Variants in CFAP299 observed in about 807,000 individuals in gnomAD.
The protein encoded by CFAP299 is cilia- and flagella-associated protein 299.
In CFAP299, 21 loss-of-function variants were observed where a neutral mutation model predicts 27.0. That is an observed-to-expected ratio of 0.78 (90% CI 0.55 to 1.12). The LOEUF (loss-of-function observed/expected upper bound fraction) is 1.12. Ranked by LOEUF, CFAP299 falls within the 50% of genes most tolerant of loss-of-function variation. The probability of loss-of-function intolerance (pLI) is 0.00; values close to 1 mark genes in which losing one functional copy is unlikely to be tolerated. For missense variants in CFAP299, 310 were observed against 276.6 expected (o/e 1.12, Z -0.86); for synonymous variants, 104 against 98.1 (o/e 1.06, Z -0.36).
intron 2 of CFAP299, among the ~76,000 whole-genome samples, chr4:80,564,023 G>T (rs999817230): frequency 1.3e-5 from 2 of 151,968 alleles, no homozygotes; most frequent in African/African-American, 2.4e-5. Context: ...TAAGTAATGA[G>T]ATCAGAGCTG....
At chr4:80,568,642 A>G (rs1306455758) in intron 2 of CFAP299, among the ~76,000 whole-genome samples, 2 of 152,072 alleles carry the variant, frequency 1.3e-5, no homozygotes, top group Non-Finnish European at 2.9e-5. Flanking sequence ...TTGAGTCTTT[A>G]CTGCAGACTA....
chr4:80,528,491 G>A (rs1243461491), intron 2 of CFAP299, among the ~76,000 whole-genome samples: 1 of 152,064 alleles, frequency 6.6e-6, no homozygotes, highest in East Asian at 1.9e-4. Context: ...CCAGCTGCCA[G>A]GATGATATTG....
the CFAP299 span, among the ~76,000 whole-genome samples, chr4:80,329,989 C>T: frequency 6.6e-6 from 1 of 151,986 alleles, no homozygotes; most frequent in African/African-American, 2.4e-5. Flanking sequence ...CAAGTCAGTG[C>T]CTCATTATTT....
At chr4:80,680,697 A>G (rs530673064) in intron 3 of CFAP299, among the ~76,000 whole-genome samples, 12 of 152,298 alleles carry the variant, frequency 7.9e-5, no homozygotes, top group Admixed American at 2.0e-4. Flanking sequence ...AAAGTTTGAG[A>G]AGAAAGAATT....
chr4:80,386,686 G>A, intron 2 of CFAP299: 1 of 1,577,830 alleles, frequency 6.3e-7, no homozygotes, highest in Admixed American at 1.7e-5. Context: ...CACGGCGGCT[G>A]AAGGACCTGC....
chr4:80,962,053 C>T (rs1015651743), intron 5 of CFAP299, among the ~76,000 whole-genome samples: 2 of 151,906 alleles, frequency 1.3e-5, no homozygotes, highest in Admixed American at 6.6e-5. Flanking sequence ...ATTTCTATTG[C>T]TACTGGGGAT....
intron 2 of CFAP299, chr4:80,388,531 G>T: frequency 6.9e-7 from 1 of 1,450,050 alleles, no homozygotes; most frequent in Non-Finnish European, 9.6e-7. Context: ...GCAGCGAGTT[G>T]AATTGCTTCT....
At chr4:80,727,866 T>C (rs1348757133) in intron 3 of CFAP299, among the ~76,000 whole-genome samples, 2 of 151,848 alleles carry the variant, frequency 1.3e-5, no homozygotes, top group Non-Finnish European at 2.9e-5. Context: ...TATTTGGTAA[T>C]ATATATTAGG....
intron 3 of CFAP299, among the ~76,000 whole-genome samples, chr4:80,814,610 C>T (rs1247176579): frequency 6.6e-6 from 1 of 151,736 alleles, no homozygotes; most frequent in Non-Finnish European, 1.5e-5. Context: ...CTAATTTGTA[C>T]TCTGAGTATG....
chr4:80,619,971 G>C (rs1394997853), intron 3 of CFAP299, among the ~76,000 whole-genome samples: 1 of 151,938 alleles, frequency 6.6e-6, no homozygotes, highest in African/African-American at 2.4e-5. Flanking sequence ...TTATATTAAT[G>C]AAAAATACCA....
At chr4:80,929,179 G>A (rs1464329373) in intron 4 of CFAP299, among the ~76,000 whole-genome samples, 1 of 151,930 alleles carries the variant, frequency 6.6e-6, no homozygotes, top group Non-Finnish European at 1.5e-5. Flanking sequence ...AGTCTCTATG[G>A]CAACACTACC....
chr4:80,945,044 T>C, intron 5 of CFAP299, 105 bp downstream of exon 5: 1 of 1,116,812 alleles, frequency 9.0e-7, no homozygotes, highest in Non-Finnish European at 1.3e-6. Context: ...AGTTGTTAAA[T>C]TTAGAAAGGA....
Position 80,595,877 on chromosome 4 carries a change from C to T in CFAP299, c.333+12694C>T, listed in dbSNP as rs545298592. On this transcript the variant is annotated intron_variant, in intron 3 of 5. Transcript: ENST00000358105. ...TGGAAAAATATTTGAGGAGGAGGAACGTTCAGTTCCAAAATACTTTCTCCT... is the reference window on the plus strand; with the variant it reads ...TGGAAAAATATTTGAGGAGGAGGAATGTTCAGTTCCAAAATACTTTCTCCT... Among the ~76,000 whole-genome samples, 4 of 152,242 alleles carry T rather than the reference C, an allele frequency of 2.6e-5. 1 individual carries two copies. In the South Asian group the frequency reaches 6.2e-4, roughly 24 times the overall value.
chr4:80,589,488 T>TA (rs1159650150), intron 3 of CFAP299, among the ~76,000 whole-genome samples: 25 of 152,196 alleles, frequency 1.6e-4, no homozygotes, highest in African/African-American at 5.8e-4. Context: ...TCATTAATAC[T>TA]AAAATCCTTT....
At chr4:80,453,555 G>A (rs61027744) in intron 2 of CFAP299, among the ~76,000 whole-genome samples, 4 of 151,424 alleles carry the variant, frequency 2.6e-5, no homozygotes, top group East Asian at 1.9e-4. Context: ...AAAAATAATC[G>A]TGTGGCCTGG....
chr4:80,944,678 G>C, intron 4 of CFAP299, 132 bp from the exon 5 acceptor site: 1 of 642,492 alleles, frequency 1.6e-6, no homozygotes, highest in Non-Finnish European at 2.7e-6. Flanking sequence ...TCTCAAATGT[G>C]TTCTACATGG....
intron 3 of CFAP299, among the ~76,000 whole-genome samples, chr4:80,799,812 T>TATATATATATCATATAATATC (rs1553893124): frequency 2.8e-5 from 1 of 36,112 alleles, no homozygotes; most frequent in African/African-American, 1.3e-4. Context: ...AATATATAAA[T>TATATATATATCATATAATATC]ATATATATTA....
chr4:80,717,051 A>C (rs1722527305), intron 3 of CFAP299, among the ~76,000 whole-genome samples: 1 of 152,156 alleles, frequency 6.6e-6, no homozygotes, highest in South Asian at 2.1e-4. Context: ...TTGAGTAACC[A>C]ATGTTGTGTA....
At chr4:80,553,417 T>C (rs932557261) in intron 2 of CFAP299, among the ~76,000 whole-genome samples, 1 of 152,222 alleles carries the variant, frequency 6.6e-6, no homozygotes, top group Non-Finnish European at 1.5e-5. Flanking sequence ...GATAGGCATT[T>C]AGGTTGATTC....
Sources: gnomAD v4.1 joint callset for allele counts (sites outside exome capture counted in the v4.1 genomes callset) on GRCh38, gnomAD v4.1.1 for gene constraint, MANE v1.5 for transcripts, NCBI Gene and HGNC (gene_info 2026-07-23, HGNC 2026-07-21) for gene names.